The following SLC25A3 variants were observed in gnomAD, a reference collection of about 807,000 sequenced individuals.
SLC25A3 encodes phosphate transport protein.
A neutral mutation model predicts 37.1 loss-of-function variants in SLC25A3; 14 were observed. That is an observed-to-expected ratio of 0.38 (90% CI 0.25 to 0.59). The LOEUF (loss-of-function observed/expected upper bound fraction) is 0.59. Among genes scored for constraint, SLC25A3 ranks in the 20% least tolerant of loss-of-function variants. SLC25A3 has a pLI of 0.67. For synonymous variants in SLC25A3, 161 were observed against 168.7 expected (o/e 0.95, Z 0.36); for missense variants, 385 against 458.1 (o/e 0.84, Z 1.46).
chr12:98,593,818 G>C (rs1424035869), intron 1 of SLC25A3, 78 bp downstream of exon 1: 2 of 766,556 alleles, frequency 2.6e-6, no homozygotes, highest in East Asian at 5.4e-5. Context: ...CTGCTTTGGC[G>C]GTGGGCCCAG....
intron 4 of SLC25A3, 27 bp from the exon 5 acceptor site, chr12:98,598,495 A>T: frequency 6.2e-7 from 1 of 1,611,730 alleles, no homozygotes; most frequent in Non-Finnish European, 8.5e-7. Flanking sequence ...AGCAATTCAC[A>T]TCCCTTCCTT....
chr12:98,600,203 G>T, intron 6 of SLC25A3, 76 bp downstream of exon 6: 1 of 1,024,164 alleles, frequency 9.8e-7, no homozygotes, highest in East Asian at 2.4e-5. Context: ...TTTTTGAGAG[G>T]GAAAAATACT....
At chr12:98,596,873 T>A (rs1003271207) in intron 3 of SLC25A3, among the ~76,000 whole-genome samples, 5 of 151,966 alleles carry the variant, frequency 3.3e-5, no homozygotes, top group Admixed American at 2.6e-4. Context: ...ATACAAAAAT[T>A]AGCTGGGCAT....
intron 1 of SLC25A3, 63 bp downstream of exon 1, chr12:98,593,803 G>T: frequency 2.9e-6 from 2 of 682,284 alleles, no homozygotes; most frequent in Non-Finnish European, 5.1e-6. Flanking sequence ...GCTCCTGTGG[G>T]GCCGCTGCTT....
At position 98,595,777 on chromosome 12, in the gene SLC25A3, G is replaced by T; in HGVS notation, c.208G>T (p.Gly70Cys). 1 of 1,614,182 alleles carries T rather than the reference G, an allele frequency of 6.2e-7. No homozygotes were observed. Among genetic ancestry groups the T allele is most frequent in the Non-Finnish European group, 8.5e-7 (1 of 1,180,020 alleles). Residue 70 changes from glycine to cysteine, a missense_variant, in exon 3 of 8, where the codon GGT (glycine) becomes TGT (cysteine). Transcript: ENST00000552981. ...GAAGTATTATGCACTGTGTGGCTTT[G>T]GTGGGGTCTTAAGTTGTGGTCTGAC... ...SAKYYALCGF[G>C]GVLSCGLTHT...
chr12:98,600,029 G>A lies in SLC25A3; in HGVS notation c.716G>A (p.Arg239His), dbSNP rs1565831673. 7 of 1,613,976 alleles carry A rather than the reference G, an allele frequency of 4.3e-6. No homozygotes were observed. The highest frequency in any genetic ancestry group is 4.2e-6 in the Non-Finnish European group (5 of 1,179,916). ...YTMMKFACFERTVEALYKFVV... is the reference protein window; with the variant it reads ...YTMMKFACFEHTVEALYKFVV... ...ATGATGAAGTTCGCCTGCTTTGAAC[G>A]TACTGTTGAAGCACTGTACAAGTTT... Residue 239 changes from arginine to histidine, a missense_variant, in exon 6 of 8, where the codon CGT (arginine) becomes CAT (histidine). Arg to His is a conservative substitution (Grantham distance 29). Around this residue, in one of 2 missense-constraint regions of SLC25A3, gnomAD observed 276 missense variants for 367.6 expected, o/e 0.75. Transcript: ENST00000552981.
At chr12:98,600,925 AC>A (rs1380376780) in intron 6 of SLC25A3, 9 of 430,418 alleles carry the variant, frequency 2.1e-5, no homozygotes, top group African/African-American at 1.4e-4. Flanking sequence ...TTACTGTTGC[AC>A]CATTTTTTTG....
In SLC25A3 at chr12:98,601,548, G is replaced by A. The variant is rs779833257; in HGVS notation, c.*20G>A. The A allele has an allele frequency of 8.2e-6, 12 of 1,466,736 alleles. No homozygotes were observed. The African/African-American group carries it at 1.2e-4, about 15-fold the overall frequency. The allele number at this position is 1,466,736 out of a possible 1,614,324, so 90.9% of individuals were successfully genotyped here. On this transcript the variant is annotated 3_prime_UTR_variant, in exon 8 of 8. Transcript: ENST00000552981. ...CAGTAGTTAGATCAAAGCAAATGTG[G>A]ACTGAATCTGCTTGTTGATCAGTGT...
chr12:98,606,344 A>T lies in SLC25A3; in HGVS notation c.*4816A>T, dbSNP rs2097601203. On this transcript the variant is annotated 3_prime_UTR_variant, in exon 8 of 8. Coordinates refer to ENST00000552981, the MANE Select transcript of SLC25A3 (RefSeq NM_002635.4). ...ATCGGCATCTTGTAAAAATTAAAAA[A>T]TTAAACATAAATAAAAGTTCAAACT... 1 of 152,210 alleles carries T rather than the reference A, an allele frequency of 6.6e-6. No homozygotes were observed. Among genetic ancestry groups the T allele is most frequent in the African/African-American group, 2.4e-5 (1 of 41,452 alleles). The allele number at this position is 152,210 out of a possible 1,614,324, so 9.4% of individuals were successfully genotyped here. A position where few individuals can be genotyped will look rare whatever the true frequency, so the allele number is the denominator to read the frequency against.
chr12:98,601,471 CCCT>C lies in SLC25A3; in HGVS notation c.1035_1037del (p.Pro347del), dbSNP rs1440908674. The C allele has an allele frequency of 1.9e-6, 3 of 1,614,056 alleles. No homozygotes were observed. Among genetic ancestry groups the C allele is most frequent in the Non-Finnish European group, 2.5e-6 (3 of 1,179,982 alleles). ...TGAAGGTCTACTTCAGACTTCCTCG[CCCT>C]CCTCCACCCGAGATGCCAGAGTCTC... On this transcript the variant is annotated inframe_deletion, in exon 8 of 8. Coordinates refer to ENST00000552981, the MANE Select transcript of SLC25A3 (RefSeq NM_002635.4).
chr12:98,594,159 C>T (rs764231080), intron 2 of SLC25A3, 24 bp downstream of exon 2: 3 of 1,584,384 alleles, frequency 1.9e-6, no homozygotes, highest in South Asian at 1.1e-5. Flanking sequence ...CTGCCCAATA[C>T]AGTCGTGTGG....
intron 3 of SLC25A3, among the ~76,000 whole-genome samples, chr12:98,596,147 A>G (rs1401732012): frequency 2.0e-5 from 3 of 152,226 alleles, no homozygotes; most frequent in African/African-American, 7.2e-5. Flanking sequence ...TTTAACAAGC[A>G]CCTATGTGTT....
At chr12:98,596,880 G>T (rs2097593425) in intron 3 of SLC25A3, among the ~76,000 whole-genome samples, 1 of 152,092 alleles carries the variant, frequency 6.6e-6, no homozygotes. Flanking sequence ...AATTAGCTGG[G>T]CATGGTGGCG....
Position 98,603,620 on chromosome 12 carries a change from T to C in SLC25A3, c.*2092T>C, listed in dbSNP as rs2153289318. 1 of 152,338 alleles carries C rather than the reference T, an allele frequency of 6.6e-6. No homozygotes were observed. The highest frequency in any genetic ancestry group is 1.5e-5 in the Non-Finnish European group (1 of 68,044). 9.4% of individuals were successfully genotyped at this position (152,338 alleles called of 1,614,324 possible). On this transcript the variant is annotated 3_prime_UTR_variant, in exon 8 of 8. Coordinates refer to ENST00000552981, the MANE Select transcript of SLC25A3 (RefSeq NM_002635.4). ...GGTATGCAGTTCAGCCAGCCCTTAC[T>C]GAGGCAGTTCTGCCAATCAGGATTC...
rs180870808 is a variant in SLC25A3, at chr12:98,601,813, T to C, written c.*285T>C. 2 of 348,816 alleles carry C rather than the reference T, an allele frequency of 5.7e-6. No individual in the cohort carries two copies. Among genetic ancestry groups the C allele is most frequent in the Admixed American group, 9.0e-5 (2 of 22,298 alleles). The allele number at this position is 348,816 out of a possible 1,614,324, so 21.6% of individuals were successfully genotyped here. ...TAAGGAAAAAATACAAAACTGACCA[T>C]GACCATTGTTGGTTGAATATTCCAG... On this transcript the variant is annotated 3_prime_UTR_variant, in exon 8 of 8. Transcript: ENST00000552981.
At chr12:98,594,563 G>T (rs190940464) in intron 2 of SLC25A3, 22 of 585,566 alleles carry the variant, frequency 3.8e-5, no homozygotes, top group Non-Finnish European at 6.4e-5. Flanking sequence ...TTTTATATTT[G>T]TCGACGCCAG....
rs1436655346 is a variant in SLC25A3 at position 98,606,195 on chromosome 12, A to C, written c.*4667A>C. On this transcript the variant is annotated 3_prime_UTR_variant, in exon 8 of 8. Coordinates refer to ENST00000552981, the MANE Select transcript of SLC25A3 (RefSeq NM_002635.4). Reference sequence around the variant, plus strand: ...AAAAATCTCAAAGTAATTGTAAAAAATCCTGGATATCACATAGTTGAGAAA... The same window carrying C: ...AAAAATCTCAAAGTAATTGTAAAAACTCCTGGATATCACATAGTTGAGAAA... 2 of 152,312 alleles carry C rather than the reference A, an allele frequency of 1.3e-5. No homozygotes were observed. Among genetic ancestry groups the C allele is most frequent in the Admixed American group, 6.5e-5 (1 of 15,300 alleles). The allele number at this position is 152,312 out of a possible 1,614,324, so 9.4% of individuals were successfully genotyped here.
intron 5 of SLC25A3, chr12:98,599,571 AC>A (rs1243788815): frequency 2.1e-6 from 1 of 470,350 alleles, no homozygotes; most frequent in African/African-American, 2.0e-5. Flanking sequence ...TTTACTATTA[AC>A]TTTTAGGGAG....
chr12:98,599,888 TTAA>T, intron 5 of SLC25A3, 64 bp from the exon 6 acceptor site: 4 of 1,566,684 alleles, frequency 2.6e-6, no homozygotes, highest in African/African-American at 1.3e-5. Context: ...GACATTTCTG[TTAA>T]TAATGACAGT....
Sources: allele counts gnomAD v4.1 joint callset (sites outside exome capture counted in the v4.1 genomes callset), GRCh38; gene constraint gnomAD v4.1.1; regional missense constraint gnomAD v4.1.1; transcripts MANE v1.5; gene names NCBI Gene and HGNC (gene_info 2026-07-23, HGNC 2026-07-21).